ARAP2: variants seen among roughly 807,000 people sequenced by gnomAD.
ARAP2 encodes arf-GAP with Rho-GAP domain, ANK repeat and PH domain-containing protein 2.
ARAP2 carries 148 observed loss-of-function variants against 194.5 expected under a neutral mutation model. The ratio of observed to expected loss-of-function variants is 0.76; its 90% confidence interval spans 0.67 to 0.87. The LOEUF (loss-of-function observed/expected upper bound fraction) is 0.87, where lower values mean the gene tolerates loss of function less well. ARAP2 is among the 40% of genes least tolerant of loss of function. ARAP2 has a pLI of 0.00. For missense variants in ARAP2, 2,128 were observed against 1,989.7 expected (o/e 1.07, Z -1.32); for synonymous variants, 695 against 683.5 (o/e 1.02, Z -0.26).
chr4:36,044,497 GCTATTCA>G (rs1336347202), intron 5 of ARAP2, among the ~76,000 whole-genome samples: 3 of 152,064 alleles, frequency 2.0e-5, no homozygotes, highest in African/African-American at 7.2e-5. Context: ...GTGATAATTG[GCTATTCA>G]CTTGCTGAAA....
chr4:36,184,294 T>C (rs200910604), intron 8 of ARAP2, among the ~76,000 whole-genome samples: 74 of 140,914 alleles, frequency 5.3e-4, no homozygotes, highest in Non-Finnish European at 6.4e-4. Flanking sequence ...TATATATATA[T>C]ACGTACACAC....
At chr4:36,186,371 A>G (rs1740575319) in intron 8 of ARAP2, among the ~76,000 whole-genome samples, 1 of 152,216 alleles carries the variant, frequency 6.6e-6, no homozygotes, top group Non-Finnish European at 1.5e-5. Context: ...TTTAAACTCA[A>G]TCCAGAAAAC....
At chr4:36,169,475 A>G (rs1736055742) in intron 9 of ARAP2, among the ~76,000 whole-genome samples, 1 of 152,214 alleles carries the variant, frequency 6.6e-6, no homozygotes, top group Non-Finnish European at 1.5e-5. Context: ...TTCTGTTAAA[A>G]TAAGGGAGTG....
chr4:36,211,393 T>G (rs1399740292), intron 5 of ARAP2, among the ~76,000 whole-genome samples: 1 of 152,186 alleles, frequency 6.6e-6, no homozygotes, highest in East Asian at 1.9e-4. Flanking sequence ...GCTAAGCATA[T>G]TTCTACAGAT....
At chr4:36,160,912 T>C (rs1473688315) in intron 12 of ARAP2, among the ~76,000 whole-genome samples, 4 of 152,160 alleles carry the variant, frequency 2.6e-5, no homozygotes, top group East Asian at 1.9e-4. Flanking sequence ...TTTTCATTCT[T>C]TGACACTCAA....
downstream of ARAP2, among the ~76,000 whole-genome samples, chr4:36,064,178 A>C (rs544888556): frequency 2.4e-4 from 34 of 143,412 alleles, 1 homozygote; most frequent in African/African-American, 7.9e-4. Flanking sequence ...GAGCACTTTG[A>C]GTGCTTTGCT....
intron 13 of ARAP2, 178 bp downstream of exon 13, chr4:36,160,281 A>C: frequency 8.2e-7 from 1 of 1,212,666 alleles, no homozygotes; most frequent in Non-Finnish European, 1.0e-6. Flanking sequence ...TGCTCTTTTG[A>C]CAATGAATCC....
chr4:36,143,872 C>A (rs1480671526), intron 19 of ARAP2, among the ~76,000 whole-genome samples: 1 of 151,884 alleles, frequency 6.6e-6, no homozygotes, highest in Non-Finnish European at 1.5e-5. Flanking sequence ...ATGTTATTAA[C>A]TGTCTGTGAC....
chr4:36,228,644 A>G lies in ARAP2; in HGVS notation c.843T>C (p.Ser281=). ...RSKLVSRPSR[S]FLLRHRPVPE... is the part of the protein sequence containing the mutation. ...GTACAGGTCGATGTCTTAGCAGAAA[A>G]GATCGAGATGGTCTTGAAACCAACT... Residue 281 remains serine, a synonymous_variant, in exon 2 of 33, where the codon TCT becomes TCC. Transcript: ENST00000303965. 6.2e-7 allele frequency: 1 copy of G among 1,614,042 alleles called. No individual in the cohort carries two copies. The highest frequency in any genetic ancestry group is 8.5e-7 in the Non-Finnish European group (1 of 1,179,952).
intron 9 of ARAP2, among the ~76,000 whole-genome samples, chr4:36,173,114 A>C (rs901749283): frequency 1.3e-5 from 2 of 152,126 alleles, no homozygotes; most frequent in Admixed American, 1.3e-4. Flanking sequence ...TGGATACCCA[A>C]ACCCACCAAG....
chr4:36,009,823 A>T (rs1424135796), intron 9 of ARAP2, among the ~76,000 whole-genome samples: 1 of 139,130 alleles, frequency 7.2e-6, no homozygotes, highest in Non-Finnish European at 1.5e-5. Flanking sequence ...AGGCAATTCT[A>T]TATAGGAAAG....
rs1746969800 is a variant in ARAP2, at chr4:36,212,475, T to TGC, written c.1053_1054insGC (p.Lys352AlafsTer6). On this transcript the variant is annotated frameshift_variant, in exon 5 of 33. Transcript: ENST00000303965. LOFTEE classifies it high-confidence loss of function. ...TCTCCCTGGGTCAAAAATTCATTCT[T>TGC]TATAGATCGCTTCTATTAAAAAAGC... 1 of 1,611,432 alleles carries TGC rather than the reference T, an allele frequency of 6.2e-7. No individual in the cohort carries two copies. The highest frequency in any genetic ancestry group is 8.5e-7 in the Non-Finnish European group (1 of 1,178,338).
At chr4:36,131,984 CATA>C (rs1725562434) in intron 20 of ARAP2, among the ~76,000 whole-genome samples, 1 of 151,632 alleles carries the variant, frequency 6.6e-6, no homozygotes, top group Non-Finnish European at 1.5e-5. Flanking sequence ...ATAACAAAAA[CATA>C]ATGAATCTGG....
chr4:36,231,201 G>T (rs998313877), intron 1 of ARAP2, among the ~76,000 whole-genome samples: 1 of 151,966 alleles, frequency 6.6e-6, no homozygotes, highest in African/African-American at 2.4e-5. Flanking sequence ...CTGGGTGTGA[G>T]GGTGCGTGCC....
At chr4:36,130,530 C>T (rs1350180138) in intron 20 of ARAP2, among the ~76,000 whole-genome samples, 1 of 151,866 alleles carries the variant, frequency 6.6e-6, no homozygotes, top group Non-Finnish European at 1.5e-5. Flanking sequence ...ATGGTAAGCA[C>T]TGTGCTTTAC....
At position 36,134,302 on chromosome 4, in the gene ARAP2, G is replaced by A. The variant is rs1316578; in HGVS notation, c.3264-913C>T. Reference sequence around the variant, plus strand: ...TTTTGCTCTCCCATACCAAGCTTCTGGCACCAAAAATTTTCCACGTACCCC... The same window carrying A: ...TTTTGCTCTCCCATACCAAGCTTCTAGCACCAAAAATTTTCCACGTACCCC... On this transcript the variant is annotated intron_variant, in intron 19 of 32. Transcript: ENST00000303965. 1.5e-4 allele frequency among the ~76,000 whole-genome samples: 22 copies of A among 151,682 alleles called. 1 individual carries two copies. In the South Asian group the frequency reaches 4.4e-3, roughly 30 times the overall value.
chr4:36,084,405 C>CTA (rs959053211), intron 28 of ARAP2, among the ~76,000 whole-genome samples: 2 of 152,002 alleles, frequency 1.3e-5, no homozygotes, highest in Admixed American at 1.3e-4. Context: ...AAGATAAAGG[C>CTA]TATATATATC....
At chr4:36,041,606 C>T (rs981936660) in intron 5 of ARAP2, among the ~76,000 whole-genome samples, 3 of 152,084 alleles carry the variant, frequency 2.0e-5, no homozygotes, top group African/African-American at 7.2e-5. Context: ...TCAACCATTG[C>T]AGAAAGTAGT....
In ARAP2 at chr4:36,067,891, C is replaced by T. The variant is rs1262998817; in HGVS notation, c.*16G>A. ...AATATTAAAAAAATAATCTGGGGAG[C>T]AATTCATTTTATTTCCTACTTCAAA... On this transcript the variant is annotated 3_prime_UTR_variant, in exon 33 of 33. Coordinates refer to ENST00000303965, the MANE Select transcript of ARAP2 (RefSeq NM_015230.4). 5 of 1,547,658 alleles carry T rather than the reference C, an allele frequency of 3.2e-6. No individual in the cohort carries two copies. Among genetic ancestry groups the T allele is most frequent in the Non-Finnish European group, 8.7e-7 (1 of 1,146,566 alleles).
Sources: gnomAD v4.1 joint callset for allele counts (sites outside exome capture counted in the v4.1 genomes callset) on GRCh38, gnomAD v4.1.1 for gene constraint, MANE v1.5 for transcripts, NCBI Gene and HGNC (gene_info 2026-07-23, HGNC 2026-07-21) for gene names.